TMEM245: variants seen among roughly 807,000 people sequenced by gnomAD.
TMEM245 encodes protein CG-2.
TMEM245 carries 69 observed loss-of-function variants against 101.2 expected under a neutral mutation model. The ratio of observed to expected loss-of-function variants is 0.68; its 90% confidence interval spans 0.56 to 0.83. The LOEUF is 0.83. Ranked by LOEUF, TMEM245 falls within the 40% of genes least tolerant of loss-of-function variation. The probability of loss-of-function intolerance (pLI) is 0.00; values close to 1 mark genes in which losing one functional copy is unlikely to be tolerated. For synonymous variants in TMEM245, 537 were observed against 449.8 expected, an observed-to-expected ratio of 1.19 and a Z score of -2.45; for missense variants, 1,075 against 1,092.8, an observed-to-expected ratio of 0.98 and a Z score of 0.23.
rs1829871539 is a variant in TMEM245 at position 109,087,307 on chromosome 9, C to T, written c.1186G>A (p.Val396Ile). 6.2e-7 allele frequency: 1 copy of T among 1,609,328 alleles called. No homozygotes were observed. Among genetic ancestry groups the T allele is most frequent in the Non-Finnish European group, 8.5e-7 (1 of 1,178,480 alleles). The change falls in exon 6 of 18, where the codon GTT becomes ATT. Residue 396 changes from valine to isoleucine, a missense_variant. Val to Ile is a conservative substitution (Grantham distance 29). Around this residue, in one of 2 missense-constraint regions of TMEM245, gnomAD observed 808 missense variants for 741.5 expected, o/e 1.09. Transcript: ENST00000374586. ...ILKKLVIHFGVVDFLEKRYHV... is the reference protein window; with the variant it reads ...ILKKLVIHFGIVDFLEKRYHV... ...TAGCGTTTCTCTAGGAAATCCACAA[C>T]TCCAAAGTGAATGACAAGCTTTTTG...
chr9:109,100,032 T>C, intron 3 of TMEM245, among the ~76,000 whole-genome samples: 1 of 152,190 alleles, frequency 6.6e-6, no homozygotes, highest in South Asian at 2.1e-4. Flanking sequence ...TTTCTGTTCA[T>C]TGTAAGTTTC....
Position 109,033,285 on chromosome 9 carries a change from T to C in TMEM245, c.2594+22A>G, listed in dbSNP as rs7852550. On this transcript the variant is annotated intron_variant, in intron 17 of 17. Transcript: ENST00000374586. ...CAGTTCAATGTATAAATACAGCTTA[T>C]GATTATTCTGCTTTAACTCACCGCT... The C allele has an allele frequency of 0.12, 195,529 of 1,574,114 alleles. 13,139 individuals carry two copies. The highest frequency in any genetic ancestry group is 0.19 in the African/African-American group (14,075 of 73,840).
intron 15 of TMEM245, 132 bp downstream of exon 15, chr9:109,037,885 T>A: frequency 1.7e-6 from 1 of 593,200 alleles, no homozygotes; most frequent in South Asian, 2.4e-5. Context: ...GTTCCTAATG[T>A]GGACTAGATT....
intron 12 of TMEM245, 117 bp downstream of exon 12, chr9:109,057,074 T>C (rs1828860486): frequency 8.8e-7 from 1 of 1,139,640 alleles, no homozygotes; most frequent in African/African-American, 1.6e-5. Context: ...CTCAAATATG[T>C]AAATGTCATG....
chr9:109,064,868 C>T (rs1389260398), intron 9 of TMEM245, among the ~76,000 whole-genome samples: 1 of 152,150 alleles, frequency 6.6e-6, no homozygotes, highest in South Asian at 2.1e-4. Context: ...TGCAACCCTG[C>T]GACTTCCACC....
At chr9:109,033,794 T>C (rs1356000167) in intron 16 of TMEM245, among the ~76,000 whole-genome samples, 1 of 152,242 alleles carries the variant, frequency 6.6e-6, no homozygotes, top group Non-Finnish European at 1.5e-5. Context: ...TACAGGTGCC[T>C]GCCTATGATG....
At chr9:109,097,521 G>A (rs1342742256) in intron 3 of TMEM245, among the ~76,000 whole-genome samples, 1 of 152,148 alleles carries the variant, frequency 6.6e-6, no homozygotes, top group African/African-American at 2.4e-5. Flanking sequence ...TACTTAGATG[G>A]CTATAGGCAA....
At chr9:109,066,535 A>G (rs902613077) in intron 9 of TMEM245, among the ~76,000 whole-genome samples, 3 of 151,568 alleles carry the variant, frequency 2.0e-5, no homozygotes, top group African/African-American at 4.8e-5. Context: ...ATAATAATTT[A>G]CAGTATAAGC....
chr9:109,069,808 T>C (rs1486190935), intron 9 of TMEM245, among the ~76,000 whole-genome samples: 1 of 152,208 alleles, frequency 6.6e-6, no homozygotes, highest in Non-Finnish European at 1.5e-5. Flanking sequence ...ATAGGCAAAC[T>C]TGGGAAAGAG....
At chr9:109,108,656 G>T in intron 1 of TMEM245, 86 bp from the exon 2 acceptor site, 1 of 950,340 alleles carries the variant, frequency 1.1e-6, no homozygotes, top group Non-Finnish European at 1.6e-6. Context: ...TGTCTATACA[G>T]CAGGAATGCT....
chr9:109,055,388 C>T (rs1828801118), intron 12 of TMEM245, among the ~76,000 whole-genome samples: 1 of 152,158 alleles, frequency 6.6e-6, no homozygotes, highest in Admixed American at 6.5e-5. Context: ...CTGGCAGGGA[C>T]CTTCCAGCTG....
chr9:109,020,667 A>C (rs1457632716), intron 17 of TMEM245, among the ~76,000 whole-genome samples, 162 bp from the exon 18 acceptor site: 2 of 152,256 alleles, frequency 1.3e-5, no homozygotes, highest in African/African-American at 4.8e-5. Context: ...ATTCTCATTA[A>C]CAAGAACTCC....
chr9:109,119,477 C>T lies in TMEM245; in HGVS notation c.437G>A (p.Arg146His). 6.7e-7 allele frequency: 1 copy of T among 1,486,750 alleles called. No individual in the cohort carries two copies. Among genetic ancestry groups the T allele is most frequent in the Non-Finnish European group, 8.9e-7 (1 of 1,128,936 alleles). 92.1% of individuals were successfully genotyped at this position (1,486,750 alleles called of 1,614,324 possible). The change falls in exon 1 of 18, where the codon CGC (arginine) becomes CAC (histidine). Residue 146 changes from arginine to histidine, a missense_variant. By Grantham distance (29) the Arg-to-His change is conservative. Coordinates refer to ENST00000374586, the MANE Select transcript of TMEM245 (RefSeq NM_032012.4). ...GGCGCCGAGCAGCAGGAGCAGGCGGCGGCGGCGCAGCGCCTGCTCGCCCAG... is the reference window on the plus strand; with the variant it reads ...GGCGCCGAGCAGCAGGAGCAGGCGGTGGCGGCGCAGCGCCTGCTCGCCCAG... ...EALGEQALRR[R>H]RLLLLLGAGG...
intron 14 of TMEM245, 91 bp from the exon 15 acceptor site, chr9:109,038,208 G>T: frequency 1.1e-6 from 1 of 874,934 alleles, no homozygotes; most frequent in Non-Finnish European, 1.7e-6. Flanking sequence ...TCCAAATCAT[G>T]TAATAGCTTC....
chr9:109,087,255 C>T lies in TMEM245; in HGVS notation c.1238G>A (p.Ser413Asn), dbSNP rs755180133. The T allele has an allele frequency of 1.9e-6, 3 of 1,613,950 alleles. No homozygotes were observed. Among genetic ancestry groups the T allele is most frequent in the South Asian group, 2.2e-5 (2 of 91,058 alleles). Residue 413 changes from serine to asparagine, a missense_variant, in exon 6 of 18, where the codon AGC (serine) becomes AAC (asparagine). By Grantham distance (46) the Ser-to-Asn change is conservative. Transcript: ENST00000374586. ...AGCTCCCTGCCGCTCCTTCAGGAAG[C>T]TTTCTATAATGCCCCACCACACATG... ...RYHVWWGIIE[S>N]FLKERQGALA...
At chr9:109,085,095 T>A (rs1829793374) in intron 7 of TMEM245, among the ~76,000 whole-genome samples, 1 of 152,212 alleles carries the variant, frequency 6.6e-6, no homozygotes, top group South Asian at 2.1e-4. Flanking sequence ...CTATCTGTCC[T>A]AGAGATTCAT....
chr9:109,083,884 C>T (rs896572617), intron 7 of TMEM245, among the ~76,000 whole-genome samples: 1 of 77,644 alleles, frequency 1.3e-5, no homozygotes, highest in Non-Finnish European at 2.6e-5. Flanking sequence ...AGCAAAACCC[C>T]ATCTCTACTA....
Position 109,106,600 on chromosome 9 carries a change from G to A in TMEM245, c.707C>T (p.Ala236Val). 2 of 1,609,436 alleles carry A rather than the reference G, an allele frequency of 1.2e-6. No individual in the cohort carries two copies. The highest frequency in any genetic ancestry group is 1.7e-6 in the Non-Finnish European group (2 of 1,177,298). ...GAATACTGGAATTCTCCATGAGCCAGCCAGGGATGCTGCAAATTATTAAGA... is the reference window on the plus strand; with the variant it reads ...GAATACTGGAATTCTCCATGAGCCAACCAGGGATGCTGCAAATTATTAAGA... The part of the protein sequence containing the change: ...IILLFHLASL[A>V]GSWRIPVFLV... The change falls in exon 3 of 18, where the codon GCT (alanine) becomes GTT (valine). Residue 236 changes from alanine to valine, a missense_variant. Coordinates refer to ENST00000374586, the MANE Select transcript of TMEM245 (RefSeq NM_032012.4).
In TMEM245 at chr9:109,052,153, T is replaced by C. The variant is rs538562714; in HGVS notation, c.1855-1461A>G. On this transcript the variant is annotated intron_variant, in intron 12 of 17. Coordinates refer to ENST00000374586, the MANE Select transcript of TMEM245 (RefSeq NM_032012.4). Reference sequence around the variant, plus strand: ...TCCCCTTATTATATTATCTGTTCTATTCTTCCTAAGTGGACTATCCTTCCT... The same window carrying C: ...TCCCCTTATTATATTATCTGTTCTACTCTTCCTAAGTGGACTATCCTTCCT... Among the ~76,000 whole-genome samples, 223 of 152,320 alleles carry C rather than the reference T, an allele frequency of 1.5e-3. 1 individual carries two copies. Among genetic ancestry groups the C allele is most frequent in the African/African-American group, 5.1e-3 (211 of 41,560 alleles).
Sources: allele counts gnomAD v4.1 joint callset (sites outside exome capture counted in the v4.1 genomes callset), GRCh38; gene constraint gnomAD v4.1.1; regional missense constraint gnomAD v4.1.1; transcripts MANE v1.5; gene names NCBI Gene and HGNC (gene_info 2026-07-23, HGNC 2026-07-21).